The following SLC7A6 variants were observed in gnomAD, a reference collection of about 807,000 sequenced individuals.
SLC7A6 encodes Y+L amino acid transporter 2.
SLC7A6 carries 29 observed loss-of-function variants against 46.6 expected under a neutral mutation model. The observed-to-expected ratio is 0.62, with a 90% CI of 0.46 to 0.85. The LOEUF is 0.85. Among genes scored for constraint, SLC7A6 ranks in the 40% least tolerant of loss-of-function variants. The pLI, the probability that SLC7A6 is intolerant of heterozygous loss-of-function variation, is 0.00. For synonymous variants in SLC7A6, 276 were observed against 257.3 expected (o/e 1.07, Z -0.70); for missense variants, 527 against 647.6 (o/e 0.81, Z 2.02).
chr16:68,291,371 G>C (rs970418926), intron 6 of SLC7A6, 39 bp downstream of exon 6: 3 of 1,611,362 alleles, frequency 1.9e-6, no homozygotes, highest in African/African-American at 2.7e-5. Flanking sequence ...ATCATCTCCT[G>C]ATACTGAGCC....
Position 68,287,669 on chromosome 16 carries a change from GTGCTCTCTGTAAAGAGGGGTTGGGCCCC to G in SLC7A6, c.524-74_524-47del, listed in dbSNP as rs2042965587. On this transcript the variant is annotated intron_variant, in intron 3 of 10. Coordinates refer to ENST00000219343, the MANE Select transcript of SLC7A6 (RefSeq NM_003983.6). ...GCCTTAGGCAGGAAGGGCAGAAAGAGTGCTCTCTGTAAAGAGGGGTTGGGCCCCTGTGCCCTCAACTCAAGCCTGCCAG... is the reference window on the plus strand; with the variant it reads ...GCCTTAGGCAGGAAGGGCAGAAAGAGTGTGCCCTCAACTCAAGCCTGCCAG... The G allele has an allele frequency of 1.9e-6, 3 of 1,567,252 alleles. No homozygotes were observed. In the East Asian group the frequency reaches 6.8e-5, roughly 35 times the overall value.
At chr16:68,287,921 A>G in intron 4 of SLC7A6, 50 bp downstream of exon 4, 1 of 1,600,824 alleles carries the variant, frequency 6.2e-7, no homozygotes, top group Non-Finnish European at 8.5e-7. Context: ...GGATTCCCTG[A>G]GGAGAACATG....
chr16:68,286,709 G>C (rs1303805181), intron 3 of SLC7A6, among the ~76,000 whole-genome samples: 1 of 152,198 alleles, frequency 6.6e-6, no homozygotes. Flanking sequence ...TGTCACTGAA[G>C]TGTGTGAGGA....
intron 7 of SLC7A6, among the ~76,000 whole-genome samples, chr16:68,293,540 T>C (rs1567594866): frequency 6.6e-6 from 1 of 152,176 alleles, no homozygotes; most frequent in Non-Finnish European, 1.5e-5. Context: ...TGCTCTCCAG[T>C]CTGGTGTCAA....
At chr16:68,296,870 T>TG in intron 10 of SLC7A6, 60 bp downstream of exon 10, 6 of 1,569,330 alleles carry the variant, frequency 3.8e-6, no homozygotes, top group South Asian at 2.3e-5. Context: ...CATGCAGAGG[T>TG]GGGGGGTGGC....
Position 68,300,530 on chromosome 16 carries a change from T to C in SLC7A6, c.*3202T>C. 3 of 824,986 alleles carry C rather than the reference T, an allele frequency of 3.6e-6. No individual in the cohort carries two copies. Among genetic ancestry groups the C allele is most frequent in the Non-Finnish European group, 4.4e-6 (3 of 683,564 alleles). 51.1% of individuals were successfully genotyped at this position (824,986 alleles called of 1,614,324 possible). A position where few individuals can be genotyped will look rare whatever the true frequency, so the allele number is the denominator to read the frequency against. On this transcript the variant is annotated 3_prime_UTR_variant, in exon 11 of 11. Transcript: ENST00000219343. ...CTCCCTTGCCTTAAGTCCTTGGTAT[T>C]TATAATCAATGCTGAACCTTCTATT...
At position 68,274,695 on chromosome 16, in the gene SLC7A6, C is replaced by T; in HGVS notation, c.-32C>T. 6.2e-7 allele frequency: 1 copy of T among 1,610,532 alleles called. No homozygotes were observed. Among genetic ancestry groups the T allele is most frequent in the Admixed American group, 1.7e-5 (1 of 59,872 alleles). On this transcript the variant is annotated 5_prime_UTR_variant, in exon 3 of 11. Transcript: ENST00000219343. ...CATACTTGTATTCTTTGCCAGGCCA[C>T]AGCAAACACAGGTGTGCAGGAACCG... is the stretch of plus-strand genomic sequence containing the variant.
rs1188667854 is a variant in SLC7A6, at chr16:68,301,566, G to T, written c.*4238G>T. The stretch of plus-strand genomic sequence containing the variant: ...ATAGAATTCTTTTTTTTTTAAAGAA[G>T]GAATCACTTTCCTATCATCTAAACC... On this transcript the variant is annotated 3_prime_UTR_variant, in exon 11 of 11. Coordinates refer to ENST00000219343, the MANE Select transcript of SLC7A6 (RefSeq NM_003983.6). 1.8e-6 allele frequency: 1 copy of T among 550,018 alleles called. No homozygotes were observed. The highest frequency in any genetic ancestry group is 3.0e-6 in the Non-Finnish European group (1 of 334,744). 34.1% of individuals were successfully genotyped at this position (550,018 alleles called of 1,614,324 possible). A position where few individuals can be genotyped will look rare whatever the true frequency, so the allele number is the denominator to read the frequency against.
chr16:68,285,030 C>T (rs1049803075), intron 3 of SLC7A6, among the ~76,000 whole-genome samples: 36 of 150,852 alleles, frequency 2.4e-4, no homozygotes, highest in African/African-American at 8.4e-4. Flanking sequence ...ACCGCTGCCC[C>T]GGCCCCCTGT....
Position 68,297,780 on chromosome 16 carries a change from C to T in SLC7A6, c.*452C>T, listed in dbSNP as rs1307990210. The T allele has an allele frequency of 6.5e-6, 1 of 153,694 alleles. No individual in the cohort carries two copies. The highest frequency in any genetic ancestry group is 1.5e-5 in the Non-Finnish European group (1 of 68,914). The allele number at this position is 153,694 out of a possible 1,614,324, so 9.5% of individuals were successfully genotyped here. ...AAGGCCTGAAATGCTACCATTTCTT[C>T]CTCTGGCTCAAAATTCTTCCCTGGG... On this transcript the variant is annotated 3_prime_UTR_variant, in exon 11 of 11. Transcript: ENST00000219343.
In SLC7A6 at chr16:68,301,100, C is replaced by A; in HGVS notation, c.*3772C>A. On this transcript the variant is annotated 3_prime_UTR_variant, in exon 11 of 11. Coordinates refer to ENST00000219343, the MANE Select transcript of SLC7A6 (RefSeq NM_003983.6). ...GGTCCTACTGTAAGTGGAAAAGACT[C>A]ACTCCCCTAACATAAGTTTTCACTG... is the stretch of plus-strand genomic sequence containing the variant. 1 of 1,322,072 alleles carries A rather than the reference C, an allele frequency of 7.6e-7. No individual in the cohort carries two copies. Among genetic ancestry groups the A allele is most frequent in the Non-Finnish European group, 9.7e-7 (1 of 1,033,752 alleles). The allele number at this position is 1,322,072 out of a possible 1,614,324, so 81.9% of individuals were successfully genotyped here.
intron 7 of SLC7A6, among the ~76,000 whole-genome samples, chr16:68,293,759 C>T (rs964079881): frequency 2.6e-5 from 4 of 152,194 alleles, no homozygotes; most frequent in Admixed American, 6.5e-5. Context: ...TTCCACCTAC[C>T]GACTTGCTTC....
At chr16:68,294,247 C>G (rs1270764803) in intron 7 of SLC7A6, among the ~76,000 whole-genome samples, 1 of 152,162 alleles carries the variant, frequency 6.6e-6, no homozygotes, top group Non-Finnish European at 1.5e-5. Context: ...AGAAAGGAAG[C>G]CTGGGTTGTC....
rs377578084 is a variant in SLC7A6 at position 68,277,713 on chromosome 16, G to A, written c.523+2464G>A. Among the ~76,000 whole-genome samples the A allele has an allele frequency of 4.6e-5, 7 of 151,374 alleles. 1 individual carries two copies. The highest frequency in any genetic ancestry group is 6.6e-5 in the Admixed American group (1 of 15,210). On this transcript the variant is annotated intron_variant, in intron 3 of 10. Coordinates refer to ENST00000219343, the MANE Select transcript of SLC7A6 (RefSeq NM_003983.6). ...CATTATCTCAGCTCATCGCAACCTC[G>A]GCCTCCTGGGTTCAAGCGATTCTCC...
chr16:68,291,361 A>G, intron 6 of SLC7A6, 29 bp downstream of exon 6: 2 of 1,612,632 alleles, frequency 1.2e-6, no homozygotes, highest in Non-Finnish European at 1.7e-6. Flanking sequence ...CCATTTGTTC[A>G]TCATCTCCTG....
intron 3 of SLC7A6, among the ~76,000 whole-genome samples, chr16:68,280,036 C>T (rs576182729): frequency 5.9e-5 from 9 of 152,354 alleles, no homozygotes; most frequent in East Asian, 1.9e-4. Flanking sequence ...CAGCTTACTT[C>T]CCTTCTTGGA....
At chr16:68,288,156 T>C (rs2042976407) in intron 4 of SLC7A6, among the ~76,000 whole-genome samples, 1 of 152,138 alleles carries the variant, frequency 6.6e-6, no homozygotes, top group African/African-American at 2.4e-5. Flanking sequence ...GCTTGGGTCA[T>C]GATTGGGTCA....
intron 3 of SLC7A6, among the ~76,000 whole-genome samples, chr16:68,278,656 AG>A (rs749799462): frequency 6.7e-6 from 1 of 148,154 alleles, no homozygotes; most frequent in Non-Finnish European, 1.5e-5. Flanking sequence ...CAGCATCCCA[AG>A]GCAGAAGAAT....
chr16:68,268,374 C>T (rs745733491), intron 2 of SLC7A6, among the ~76,000 whole-genome samples: 2 of 152,184 alleles, frequency 1.3e-5, no homozygotes, highest in Non-Finnish European at 1.5e-5. Context: ...CCTCCCCCTC[C>T]GGCATTTGGT....
Sources: gnomAD v4.1 joint callset for allele counts (sites outside exome capture counted in the v4.1 genomes callset) on GRCh38, gnomAD v4.1.1 for gene constraint, MANE v1.5 for transcripts, NCBI Gene and HGNC (gene_info 2026-07-23, HGNC 2026-07-21) for gene names.